MSRA: variants seen among roughly 807,000 people sequenced by gnomAD.
MSRA encodes the protein mitochondrial peptide methionine sulfoxide reductase.
In MSRA, 54 loss-of-function variants were observed where a neutral mutation model predicts 31.3. That is an observed-to-expected ratio of 1.73 (90% CI 1.39 to 2.17). MSRA has a LOEUF of 2.17. MSRA is among the 30% of genes most tolerant of loss of function. MSRA has a pLI of 0.00. For missense variants in MSRA, 507 were observed against 300.9 expected (o/e 1.69, Z -5.07); for synonymous variants, 169 against 116.5 (o/e 1.45, Z -2.90).
intron 3 of MSRA, chr8:10,250,547 A>G (rs1273095540): frequency 1.4e-6 from 1 of 691,260 alleles, no homozygotes; most frequent in Admixed American, 2.1e-5. Context: ...GATTTACACA[A>G]GCAGCACGGG....
Position 10,319,907 on chromosome 8 carries a change from G to A in MSRA, c.461G>A (p.Gly154Asp). 1 of 1,570,718 alleles carries A rather than the reference G, an allele frequency of 6.4e-7. No homozygotes were observed. The highest frequency in any genetic ancestry group is 8.6e-7 in the Non-Finnish European group (1 of 1,158,272). ...GGTATGCGCCAGGGGAACGACCATGGCACTCAGTACCGCTCGGCCATCTAC... is the reference window on the plus strand; with the variant it reads ...GGTATGCGCCAGGGGAACGACCATGACACTCAGTACCGCTCGGCCATCTAC... ...TQGMRQGNDH[G>D]TQYRSAIYPT... The change falls in exon 5 of 6, where the codon GGC becomes GAC. Residue 154 changes from glycine to aspartate, a missense_variant. Physicochemically the swap from Gly to Asp is moderately conservative, Grantham distance 94. Coordinates refer to ENST00000317173, the MANE Select transcript of MSRA (RefSeq NM_012331.5).
intron 2 of MSRA, among the ~76,000 whole-genome samples, chr8:10,223,524 T>C (rs1810709254): frequency 6.6e-6 from 1 of 152,198 alleles, no homozygotes; most frequent in African/African-American, 2.4e-5. Flanking sequence ...AGTCAGTGAA[T>C]TTGAAGACAG....
intron 1 of MSRA, among the ~76,000 whole-genome samples, chr8:10,083,112 C>G (rs573744633): frequency 6.6e-6 from 1 of 152,156 alleles, no homozygotes; most frequent in Non-Finnish European, 1.5e-5. Flanking sequence ...TAAATTGTGA[C>G]TCTCATCCAA....
intron 5 of MSRA, among the ~76,000 whole-genome samples, chr8:10,325,175 G>T (rs1427831429): frequency 6.6e-6 from 1 of 152,160 alleles, no homozygotes; most frequent in African/African-American, 2.4e-5. Flanking sequence ...GACTGCAATG[G>T]CTCAGGAATG....
chr8:10,068,519 TG>T (rs1039398975), intron 1 of MSRA, among the ~76,000 whole-genome samples: 29 of 152,378 alleles, frequency 1.9e-4, no homozygotes, highest in African/African-American at 7.0e-4. Context: ...GATTTATTTT[TG>T]CCTGTGGGTG....
intron 1 of MSRA, among the ~76,000 whole-genome samples, chr8:10,187,362 A>T (rs561180606): frequency 3.3e-4 from 50 of 152,328 alleles, no homozygotes; most frequent in African/African-American, 1.2e-3. Flanking sequence ...AGCACAGGAA[A>T]GGAAATGGAG....
intron 2 of MSRA, among the ~76,000 whole-genome samples, chr8:10,225,508 G>C (rs566405040): frequency 6.6e-6 from 1 of 152,104 alleles, no homozygotes; most frequent in Non-Finnish European, 1.5e-5. Context: ...GATAGAAGTG[G>C]GAAAAATTCT....
chr8:10,204,271 G>A (rs1004298353), intron 1 of MSRA, among the ~76,000 whole-genome samples: 7 of 152,220 alleles, frequency 4.6e-5, no homozygotes, highest in South Asian at 2.1e-4. Flanking sequence ...ACAATTTAGT[G>A]TAGCCTAAGT....
chr8:10,318,719 G>A (rs1327656800), intron 4 of MSRA, among the ~76,000 whole-genome samples: 1 of 152,152 alleles, frequency 6.6e-6, no homozygotes, highest in East Asian at 1.9e-4. Flanking sequence ...AGCCGTTCCT[G>A]GATGTTGGTT....
chr8:10,153,634 G>A (rs1201819397), intron 1 of MSRA, among the ~76,000 whole-genome samples: 4 of 152,134 alleles, frequency 2.6e-5, no homozygotes, highest in East Asian at 1.9e-4. Flanking sequence ...TTCCCAAAGC[G>A]ACAGCAGTGG....
chr8:10,127,926 C>T (rs1801617722), intron 1 of MSRA, among the ~76,000 whole-genome samples: 3 of 151,852 alleles, frequency 2.0e-5, no homozygotes, highest in Non-Finnish European at 2.9e-5. Context: ...TCTTTGTGTA[C>T]GTGAATGTGC....
chr8:10,115,563 C>A (rs1320701356), intron 1 of MSRA, among the ~76,000 whole-genome samples: 1 of 152,154 alleles, frequency 6.6e-6, no homozygotes, highest in Non-Finnish European at 1.5e-5. Context: ...TGCCACACGG[C>A]CCTAGGGAAC....
At chr8:10,151,540 C>T (rs1297621503) in intron 1 of MSRA, among the ~76,000 whole-genome samples, 1 of 152,100 alleles carries the variant, frequency 6.6e-6, no homozygotes, top group African/African-American at 2.4e-5. Context: ...GTCCCAGCTA[C>T]TCGGGAGGCT....
chr8:10,377,581 CA>C (rs1805826218), intron 5 of MSRA, among the ~76,000 whole-genome samples: 1 of 152,192 alleles, frequency 6.6e-6, no homozygotes, highest in Non-Finnish European at 1.5e-5. Flanking sequence ...CTGCAATTTC[CA>C]CTTTTGGTTT....
At chr8:10,415,228 G>C (rs1029166586) in intron 5 of MSRA, among the ~76,000 whole-genome samples, 3 of 152,198 alleles carry the variant, frequency 2.0e-5, no homozygotes, top group African/African-American at 7.2e-5. Flanking sequence ...CATTCACGAT[G>C]TGCGGTAGAG....
chr8:10,337,582 CCTCT>C, intron 5 of MSRA: 1 of 640,388 alleles, frequency 1.6e-6, no homozygotes, highest in Non-Finnish European at 2.8e-6. Flanking sequence ...CAAGCAGATT[CCTCT>C]CTGTCTCTGG....
At chr8:10,214,733 G>C (rs1261502528) in intron 2 of MSRA, among the ~76,000 whole-genome samples, 1 of 152,168 alleles carries the variant, frequency 6.6e-6, no homozygotes, top group Non-Finnish European at 1.5e-5. Flanking sequence ...TTAAATGGTA[G>C]AACACTTGGA....
intron 3 of MSRA, among the ~76,000 whole-genome samples, chr8:10,301,137 A>G (rs1034891499): frequency 1.3e-5 from 2 of 152,112 alleles, no homozygotes; most frequent in South Asian, 4.1e-4. Context: ...AGCTCACTAC[A>G]TATAGCATGG....
chr8:10,243,278 G>T (rs1264863914), intron 2 of MSRA, among the ~76,000 whole-genome samples: 1 of 152,048 alleles, frequency 6.6e-6, no homozygotes, highest in Non-Finnish European at 1.5e-5. Flanking sequence ...GCTGCCTTCT[G>T]CCTGGTGCTC....
Sources: gnomAD v4.1 joint callset for allele counts (sites outside exome capture counted in the v4.1 genomes callset) on GRCh38, gnomAD v4.1.1 for gene constraint, MANE v1.5 for transcripts, NCBI Gene and HGNC (gene_info 2026-07-23, HGNC 2026-07-21) for gene names.